BACE2: variants seen among roughly 807,000 people sequenced by gnomAD.
BACE2 encodes the protein beta-secretase 2, also known as 56 kDa aspartic-like protease.
BACE2 carries 17 observed loss-of-function variants against 46.2 expected under a neutral mutation model. The observed-to-expected ratio is 0.37, with a 90% CI of 0.25 to 0.55. The LOEUF (loss-of-function observed/expected upper bound fraction) is 0.55, where lower values mean the gene tolerates loss of function less well. Ranked by LOEUF, BACE2 falls within the 20% of genes least tolerant of loss-of-function variation. BACE2 has a pLI of 0.82. For missense variants in BACE2, 595 were observed against 698.1 expected (o/e 0.85, Z 1.66); for synonymous variants, 277 against 295.9 (o/e 0.94, Z 0.66).
intron 1 of BACE2, chr21:41,186,013 T>C (rs929393706): frequency 1.3e-5 from 2 of 152,302 alleles, no homozygotes; most frequent in African/African-American, 4.8e-5. Flanking sequence ...AGCAATAAAA[T>C]GGAGTCAGAG....
chr21:41,270,433 A>G (rs1336700465), intron 8 of BACE2, among the ~76,000 whole-genome samples: 1 of 152,046 alleles, frequency 6.6e-6, no homozygotes, highest in Non-Finnish European at 1.5e-5. Flanking sequence ...TATATATATA[A>G]TGGAGATGGG....
intron 1 of BACE2, among the ~76,000 whole-genome samples, chr21:41,199,389 T>C (rs1985870462): frequency 6.6e-6 from 1 of 152,058 alleles, no homozygotes; most frequent in South Asian, 2.1e-4. Context: ...TGAGCTCTGC[T>C]GGCAGCTGCT....
chr21:41,244,863 C>CTGTGTGTGTG (rs58015507), intron 5 of BACE2, among the ~76,000 whole-genome samples: 20 of 150,624 alleles, frequency 1.3e-4, no homozygotes, highest in East Asian at 7.8e-4. Context: ...TACAAAACCT[C>CTGTGTGTGTG]TGTGTGTGTG....
intron 5 of BACE2, among the ~76,000 whole-genome samples, chr21:41,245,563 T>G (rs1987441440): frequency 6.6e-6 from 1 of 152,274 alleles, no homozygotes; most frequent in Admixed American, 6.5e-5. Context: ...AATTGATTTG[T>G]GTACAGTTTG....
Position 41,250,821 on chromosome 21 carries a change from T to C in BACE2, c.1054T>C (p.Trp352Arg). 1 of 1,614,184 alleles carries C rather than the reference T, an allele frequency of 6.2e-7. No homozygotes were observed. Among genetic ancestry groups the C allele is most frequent in the Non-Finnish European group, 8.5e-7 (1 of 1,180,008 alleles). ...GTGCTGGACGAATTCGGAAACACCT[T>C]GGTCTTACTTCCCTAAAATCTCCAT... ...LACWTNSETP[W>R]SYFPKISIYL... Residue 352 changes from tryptophan to arginine, a missense_variant, in exon 7 of 9, where the codon TGG (tryptophan) becomes CGG (arginine). Trp to Arg is a moderately radical substitution (Grantham distance 101, BLOSUM62 -3). Transcript: ENST00000330333.
chr21:41,205,209 G>GTACTCC (rs1333701851), intron 1 of BACE2, among the ~76,000 whole-genome samples: 1 of 152,222 alleles, frequency 6.6e-6, no homozygotes, highest in Middle Eastern at 3.2e-3. Flanking sequence ...ACTAGGATTT[G>GTACTCC]TAGATTATCA....
In BACE2 at chr21:41,241,845, C is replaced by G; in HGVS notation, c.645C>G (p.Phe215Leu). The change falls in exon 4 of 9, where the codon TTC becomes TTG. Residue 215 changes from phenylalanine (F) to leucine (L), a missense_variant. Phe to Leu is a conservative substitution (Grantham distance 22). Transcript: ENST00000330333. ...AKPSSSLETF[F>L]DSLVTQANIP... is the part of the protein sequence containing the mutation. ...CATCAAGTTCTCTGGAGACCTTCTT[C>G]GACTCCCTGGTGACACAAGCAAACA... 6.2e-7 allele frequency: 1 copy of G among 1,614,142 alleles called. No homozygotes were observed. The highest frequency in any genetic ancestry group is 8.5e-7 in the Non-Finnish European group (1 of 1,180,024).
At position 41,250,896 on chromosome 21, in the gene BACE2, C is replaced by A. The variant is rs775363619; in HGVS notation, c.1129C>A (p.Pro377Thr). ...SSRSFRITIL[P>T]QLYIQPMMGA... is the part of the protein sequence containing the mutation. ...CAGGTCATTCCGTATCACAATCCTG[C>A]CTCAGGTATGAACTTGGATTTGTGC... The change falls in exon 7 of 9, where the codon CCT becomes ACT. Residue 377 changes from proline (P) to threonine (T), a missense_variant. Physicochemically the swap from Pro to Thr is conservative, Grantham distance 38. Transcript: ENST00000330333. 23 of 1,613,930 alleles carry A rather than the reference C, an allele frequency of 1.4e-5. No homozygotes were observed. Among genetic ancestry groups the A allele is most frequent in the Non-Finnish European group, 1.9e-5 (23 of 1,179,964 alleles).
At chr21:41,233,710 C>T (rs1458057150) in intron 2 of BACE2, among the ~76,000 whole-genome samples, 2 of 152,216 alleles carry the variant, frequency 1.3e-5, no homozygotes, top group Non-Finnish European at 2.9e-5. Context: ...CCTGTAATCC[C>T]AGCACTTTGG....
At chr21:41,179,713 A>C in intron 1 of BACE2, 1 of 1,234,990 alleles carries the variant, frequency 8.1e-7, no homozygotes, top group Non-Finnish European at 1.1e-6. Flanking sequence ...TTCCCTGCTT[A>C]CAGGCAATTA....
At position 41,272,677 on chromosome 21, in the gene BACE2, T is replaced by C. The variant is rs574209913; in HGVS notation, c.1304-2694T>C. On this transcript the variant is annotated intron_variant, in intron 8 of 8. Transcript: ENST00000330333. The stretch of plus-strand genomic sequence containing the variant: ...CTTCCGTGTCTCTATTTAACATGTT[T>C]AACATTTTCTCTGGCATCCTGAGTA... Among the ~76,000 whole-genome samples the C allele has an allele frequency of 3.9e-5, 6 of 152,340 alleles. No individual in the cohort carries two copies. The East Asian group carries it at 5.8e-4, about 15-fold the overall frequency.
intron 1 of BACE2, chr21:41,181,160 A>G (rs1985107255): frequency 6.0e-6 from 1 of 167,052 alleles, no homozygotes; most frequent in African/African-American, 2.4e-5. Flanking sequence ...GTCAGTTCCA[A>G]GTTTTTTAGA....
intron 1 of BACE2, among the ~76,000 whole-genome samples, chr21:41,214,908 G>A (rs1351374891): frequency 6.6e-6 from 1 of 152,040 alleles, no homozygotes; most frequent in Non-Finnish European, 1.5e-5. Flanking sequence ...GGAACACCAT[G>A]TAAAGTTAGA....
chr21:41,187,305 C>T (rs1478027383), intron 1 of BACE2, among the ~76,000 whole-genome samples: 1 of 152,156 alleles, frequency 6.6e-6, no homozygotes. Context: ...CAATAGCTGG[C>T]CAAAGAAGCC....
At chr21:41,266,088 T>A (rs1198502349) in intron 8 of BACE2, among the ~76,000 whole-genome samples, 1 of 152,254 alleles carries the variant, frequency 6.6e-6, no homozygotes, top group Non-Finnish European at 1.5e-5. Context: ...TTTTCTGTAC[T>A]ATTCCATTGA....
Position 41,273,177 on chromosome 21 carries a change from G to A in BACE2, c.1304-2194G>A, listed in dbSNP as rs536890662. Among the ~76,000 whole-genome samples, 7 of 152,302 alleles carry A rather than the reference G, an allele frequency of 4.6e-5. No individual in the cohort carries two copies. The East Asian group carries it at 7.7e-4, about 17-fold the overall frequency. The stretch of plus-strand genomic sequence containing the variant: ...AATAAAATATTACAAGGCAAATGGA[G>A]GCAGGGCAAGATCACAGGACCAGGG... On this transcript the variant is annotated intron_variant, in intron 8 of 8. Transcript: ENST00000330333.
At position 41,226,347 on chromosome 21, in the gene BACE2, A is replaced by G; in HGVS notation, c.394A>G (p.Thr132Ala). 6.2e-7 allele frequency: 1 copy of G among 1,613,874 alleles called. No homozygotes were observed. Among genetic ancestry groups the G allele is most frequent in the Non-Finnish European group, 8.5e-7 (1 of 1,179,936 alleles). The part of the protein sequence containing the change: ...PHSYIDTYFD[T>A]ERSSTYRSKG... The stretch of plus-strand genomic sequence containing the variant: ...CTCCTACATAGACACGTACTTTGAC[A>G]CAGAGAGGTAAGCGCTGGCCCCTTG... Residue 132 changes from threonine to alanine, a missense_variant, in exon 2 of 9, where the codon ACA (threonine) becomes GCA (alanine). By Grantham distance (58) the Thr-to-Ala change is moderately conservative. Coordinates refer to ENST00000330333, the MANE Select transcript of BACE2 (RefSeq NM_012105.5).
intron 1 of BACE2, among the ~76,000 whole-genome samples, chr21:41,197,275 G>GTT (rs56933411): frequency 7.4e-5 from 10 of 135,036 alleles, no homozygotes; most frequent in African/African-American, 1.7e-4. Flanking sequence ...GGTTTTTTTT[G>GTT]TTTTTTTTTT....
intron 1 of BACE2, among the ~76,000 whole-genome samples, chr21:41,201,271 C>T (rs2089518472): frequency 6.6e-6 from 1 of 152,244 alleles, no homozygotes. Flanking sequence ...AGCCCCGCAG[C>T]TCTGATCGTA....
Sources: gnomAD v4.1 joint callset for allele counts (sites outside exome capture counted in the v4.1 genomes callset) on GRCh38, gnomAD v4.1.1 for gene constraint, MANE v1.5 for transcripts, NCBI Gene and HGNC (gene_info 2026-07-23, HGNC 2026-07-21) for gene names.